The following PIK3C2G variants were observed in gnomAD, a reference collection of about 807,000 sequenced individuals.
The protein encoded by PIK3C2G is phosphatidylinositol-4-phosphate 3-kinase catalytic subunit type 2 gamma.
A neutral mutation model predicts 181.1 loss-of-function variants in PIK3C2G; 168 were observed. The observed-to-expected ratio is 0.93, with a 90% CI of 0.82 to 1.05. The LOEUF is 1.05. PIK3C2G is among the 50% of genes least tolerant of loss of function. PIK3C2G has a pLI of 0.00. For synonymous variants in PIK3C2G, 573 were observed against 592.2 expected (o/e 0.97, Z 0.47); for missense variants, 1,869 against 1,732.8 (o/e 1.08, Z -1.40).
chr12:18,248,343 C>A (rs905190149), intron 1 of PIK3C2G, among the ~76,000 whole-genome samples: 8 of 152,130 alleles, frequency 5.3e-5, no homozygotes, highest in Non-Finnish European at 1.2e-4. Context: ...GAGGCCGAGG[C>A]GGGCAGATCA....
chr12:18,618,109 TTTTTTTC>T (rs949381194), intron 31 of PIK3C2G, among the ~76,000 whole-genome samples: 1 of 152,172 alleles, frequency 6.6e-6, no homozygotes. Flanking sequence ...TCTCTACTTT[TTTTTTTC>T]TTTTTTAACT....
chr12:18,265,358 G>C (rs1948439571), intron 1 of PIK3C2G, among the ~76,000 whole-genome samples: 3 of 152,040 alleles, frequency 2.0e-5, no homozygotes, highest in African/African-American at 7.2e-5. Flanking sequence ...ATGATTTATT[G>C]ATAAACAAAA....
intron 31 of PIK3C2G, among the ~76,000 whole-genome samples, chr12:18,628,465 T>C (rs1414480178): frequency 1.3e-5 from 2 of 152,198 alleles, no homozygotes; most frequent in African/African-American, 4.8e-5. Context: ...ATAGTAGCAT[T>C]GAAAGCCATT....
chr12:18,616,422 C>T (rs1398963427), intron 31 of PIK3C2G, among the ~76,000 whole-genome samples: 1 of 152,074 alleles, frequency 6.6e-6, no homozygotes. Flanking sequence ...AAATCAATAG[C>T]TTTTATCTGT....
chr12:18,630,589 G>A (rs1591711620), intron 31 of PIK3C2G, among the ~76,000 whole-genome samples: 1 of 152,096 alleles, frequency 6.6e-6, no homozygotes. Context: ...TGGAGTCGGG[G>A]AAGAAGTGGA....
In PIK3C2G at chr12:18,454,124, G is replaced by A. The variant is rs530794338; in HGVS notation, c.2504+30085G>A. Among the ~76,000 whole-genome samples, 3 of 152,198 alleles carry A rather than the reference G, an allele frequency of 2.0e-5. No homozygotes were observed. The South Asian group carries it at 6.2e-4, about 32-fold the overall frequency. On this transcript the variant is annotated intron_variant, in intron 18 of 32. Coordinates refer to ENST00000538779, the MANE Select transcript of PIK3C2G (RefSeq NM_001288772.2). ...TTAGTTAATTCAGCAGTTATTTAAT[G>A]AATGCCTACTATATGTTAAGCTTTG...
At chr12:18,260,502 A>C (rs986813819), upstream of PIK3C2G, among the ~76,000 whole-genome samples, 9 of 152,058 alleles carry the variant, frequency 5.9e-5, no homozygotes, top group African/African-American at 2.2e-4. Flanking sequence ...TTGTAGCTTT[A>C]GAACAGAAGG....
At chr12:18,262,634 A>G (rs1948298781) in intron 1 of PIK3C2G, among the ~76,000 whole-genome samples, 1 of 151,614 alleles carries the variant, frequency 6.6e-6, no homozygotes, top group African/African-American at 2.4e-5. Flanking sequence ...AAAAAAGACA[A>G]CTTCTACCTC....
At chr12:18,519,351 T>A (rs1465259702) in intron 24 of PIK3C2G, among the ~76,000 whole-genome samples, 1 of 152,148 alleles carries the variant, frequency 6.6e-6, no homozygotes, top group Non-Finnish European at 1.5e-5. Context: ...TGTGTGGGAG[T>A]CTCAGTCTCT....
At chr12:18,706,170 T>G in the PIK3C2G span, among the ~76,000 whole-genome samples, 3 of 151,508 alleles carry the variant, frequency 2.0e-5, no homozygotes, top group Non-Finnish European at 2.9e-5. Flanking sequence ...AGGTGGAGGT[T>G]GCAGTGAGCC....
intron 24 of PIK3C2G, among the ~76,000 whole-genome samples, chr12:18,525,103 A>G (rs955796145): frequency 2.6e-5 from 4 of 151,916 alleles, no homozygotes; most frequent in African/African-American, 4.8e-5. Context: ...AAAAATCTGT[A>G]TATTGGGCCA....
chr12:18,255,216 AAAATAAAT>A (rs59041304), intron 1 of PIK3C2G, among the ~76,000 whole-genome samples: 1,899 of 131,898 alleles, frequency 0.014, 16 homozygotes, highest in Middle Eastern at 0.024. Context: ...CTCCGTCTCA[AAAATAAAT>A]AAATAAATAA....
chr12:18,381,742 G>T lies in PIK3C2G; in HGVS notation c.1881-24G>T, dbSNP rs181494897. ...CCCTCATGAAGTGACTCCTGTCTGT[G>T]TGTGTGTGTGTTGTCTTTTGCAGAA... On this transcript the variant is annotated intron_variant, in intron 13 of 32. Transcript: ENST00000538779. 8.1e-4 allele frequency: 1,035 copies of T among 1,277,132 alleles called. 4 individuals carry two copies. The African/African-American group carries it at 0.013, about 17-fold the overall frequency. The allele number at this position is 1,277,132 out of a possible 1,614,324, so 79.1% of individuals were successfully genotyped here.
chr12:18,712,953 A>T, the PIK3C2G span: 986 of 1,614,024 alleles, frequency 6.1e-4, 7 homozygotes, highest in African/African-American at 0.012. Context: ...CCCAGCAGTC[A>T]ATCTCCAAAC....
At chr12:18,675,405 T>C in the PIK3C2G span, among the ~76,000 whole-genome samples, 2 of 152,180 alleles carry the variant, frequency 1.3e-5, no homozygotes, top group Admixed American at 6.6e-5. Context: ...AAGAGAATAT[T>C]GATACACTGC....
intron 18 of PIK3C2G, among the ~76,000 whole-genome samples, chr12:18,456,035 A>G (rs1167490498): frequency 6.6e-6 from 1 of 152,150 alleles, no homozygotes; most frequent in Non-Finnish European, 1.5e-5. Flanking sequence ...TTTGTTAAGC[A>G]TTCAAATGTG....
At chr12:18,524,545 T>TCTTTGTGCCTC (rs1259281526) in intron 24 of PIK3C2G, among the ~76,000 whole-genome samples, 14 of 152,032 alleles carry the variant, frequency 9.2e-5, no homozygotes, top group Non-Finnish European at 2.9e-5. Flanking sequence ...ACTAGTGGCT[T>TCTTTGTGCCTC]CTTTGTGCCT....
chr12:18,410,015 G>T (rs1944768432), intron 16 of PIK3C2G, among the ~76,000 whole-genome samples: 1 of 152,100 alleles, frequency 6.6e-6, no homozygotes, highest in South Asian at 2.1e-4. Flanking sequence ...CTGCCCCCAT[G>T]AGTGAATCAC....
chr12:18,469,720 T>C (rs902844207), intron 18 of PIK3C2G, among the ~76,000 whole-genome samples: 4 of 151,946 alleles, frequency 2.6e-5, no homozygotes, highest in Non-Finnish European at 5.9e-5. Context: ...TGATATTACA[T>C]TTTATTTTTC....
Sources: allele counts gnomAD v4.1 joint callset (sites outside exome capture counted in the v4.1 genomes callset), GRCh38; gene constraint gnomAD v4.1.1; transcripts MANE v1.5; gene names NCBI Gene and HGNC (gene_info 2026-07-23, HGNC 2026-07-21).